The following ADAM18 variants were observed in gnomAD, a reference collection of about 807,000 sequenced individuals.
ADAM18 encodes the protein disintegrin and metalloproteinase domain-containing protein 18.
Under a neutral mutation model 94.4 loss-of-function variants are expected in ADAM18, and 117 were observed. That is an observed-to-expected ratio of 1.24 (90% CI 1.07 to 1.45). ADAM18 has a LOEUF of 1.45. Among genes scored for constraint, ADAM18 ranks in the 40% most tolerant of loss-of-function variants. The pLI is 0.00. For synonymous variants in ADAM18, 327 were observed against 291.6 expected (o/e 1.12, Z -1.24); for missense variants, 936 against 880.0 (o/e 1.06, Z -0.81).
intron 2 of ADAM18, among the ~76,000 whole-genome samples, chr8:39,602,698 G>C (rs1363527134): frequency 6.6e-6 from 1 of 151,944 alleles, no homozygotes; most frequent in Non-Finnish European, 1.5e-5. Flanking sequence ...ATGTACTCTA[G>C]TTAAGTCTTT....
In ADAM18 at chr8:39,631,408, C is replaced by T. The variant is rs895329369; in HGVS notation, c.588+1969C>T. On this transcript the variant is annotated intron_variant, in intron 7 of 19. Coordinates refer to ENST00000265707, the MANE Select transcript of ADAM18 (RefSeq NM_014237.3). ...CAGGGTTCTCTTTTTTCCATATAGA[C>T]ATCCATTCGCTCCATCTCCACTTAC... Among the ~76,000 whole-genome samples the T allele has an allele frequency of 2.6e-5, 4 of 151,972 alleles. No individual in the cohort carries two copies. The South Asian group carries it at 8.3e-4, about 31-fold the overall frequency.
intron 7 of ADAM18, among the ~76,000 whole-genome samples, chr8:39,635,706 C>A (rs904927194): frequency 2.0e-5 from 3 of 152,072 alleles, no homozygotes; most frequent in African/African-American, 7.2e-5. Flanking sequence ...TGTGGCATTA[C>A]TATGATCTTT....
At chr8:39,604,733 A>G (rs1354903367) in intron 2 of ADAM18, 1 of 152,264 alleles carries the variant, frequency 6.6e-6, no homozygotes, top group East Asian at 1.9e-4. Flanking sequence ...GAGCCTGCAG[A>G]ACGGTGAGCC....
intron 13 of ADAM18, among the ~76,000 whole-genome samples, chr8:39,665,004 A>G (rs1585957128): frequency 6.6e-6 from 1 of 152,152 alleles, no homozygotes; most frequent in South Asian, 2.1e-4. Flanking sequence ...GTGTCAGAAG[A>G]AACATATTTA....
intron 3 of ADAM18, among the ~76,000 whole-genome samples, chr8:39,606,741 T>G (rs917141462): frequency 2.0e-5 from 3 of 152,130 alleles, no homozygotes; most frequent in African/African-American, 7.2e-5. Context: ...CAATAAAGCT[T>G]TTTAATCACC....
intron 10 of ADAM18, among the ~76,000 whole-genome samples, chr8:39,643,025 A>G (rs530458920): frequency 6.6e-6 from 1 of 151,960 alleles, no homozygotes; most frequent in East Asian, 1.9e-4. Context: ...CATCCTAGGT[A>G]TTTTATTCTT....
chr8:39,632,771 C>G (rs1019768040), intron 7 of ADAM18, among the ~76,000 whole-genome samples: 1 of 152,108 alleles, frequency 6.6e-6, no homozygotes. Flanking sequence ...CTCTGAAACC[C>G]TGTAGACCTT....
intron 11 of ADAM18, among the ~76,000 whole-genome samples, chr8:39,647,577 T>A (rs1321945703): frequency 6.6e-6 from 1 of 152,154 alleles, no homozygotes; most frequent in East Asian, 1.9e-4. Flanking sequence ...GGTGTCAGGC[T>A]GGGGGACGGT....
At chr8:39,618,350 G>A (rs906953367) in intron 6 of ADAM18, among the ~76,000 whole-genome samples, 2 of 152,166 alleles carry the variant, frequency 1.3e-5, no homozygotes, top group Admixed American at 6.5e-5. Context: ...AGGTTAGTGA[G>A]GGATTTAGGG....
chr8:39,625,164 C>T (rs1394100970), intron 6 of ADAM18, among the ~76,000 whole-genome samples: 2 of 152,142 alleles, frequency 1.3e-5, no homozygotes, highest in Non-Finnish European at 2.9e-5. Flanking sequence ...TTGATTCTTC[C>T]ATCCATGAGC....
chr8:39,635,333 T>C (rs1820047896), intron 7 of ADAM18, among the ~76,000 whole-genome samples: 1 of 152,240 alleles, frequency 6.6e-6, no homozygotes, highest in South Asian at 2.1e-4. Flanking sequence ...CATTCTTTTA[T>C]CTTTTAAAAA....
At chr8:39,617,895 G>T (rs979721433) in intron 6 of ADAM18, among the ~76,000 whole-genome samples, 4 of 152,210 alleles carry the variant, frequency 2.6e-5, no homozygotes, top group African/African-American at 9.6e-5. Flanking sequence ...TTACCTGGGT[G>T]ACACATTGAT....
chr8:39,670,080 T>A (rs1454264192), intron 14 of ADAM18, among the ~76,000 whole-genome samples: 2 of 152,230 alleles, frequency 1.3e-5, no homozygotes, highest in African/African-American at 2.4e-5. Flanking sequence ...GATGAGCATT[T>A]TTTCATGTGT....
intron 7 of ADAM18, among the ~76,000 whole-genome samples, chr8:39,630,518 A>G (rs1819903887): frequency 6.6e-6 from 1 of 151,892 alleles, no homozygotes; most frequent in Non-Finnish European, 1.5e-5. Flanking sequence ...AATATAATAC[A>G]ATCAGGTAGA....
chr8:39,696,720 C>T (rs1821936919), intron 17 of ADAM18, among the ~76,000 whole-genome samples: 1 of 151,514 alleles, frequency 6.6e-6, no homozygotes, highest in Non-Finnish European at 1.5e-5. Context: ...CTCCATTTGT[C>T]TATATGTCTG....
chr8:39,715,640 G>A (rs1055906598), intron 18 of ADAM18, among the ~76,000 whole-genome samples: 4 of 151,906 alleles, frequency 2.6e-5, no homozygotes, highest in Admixed American at 2.6e-4. Flanking sequence ...GAACATGTAA[G>A]CGGTAATAGA....
At chr8:39,641,553 T>C (rs1322578965) in intron 10 of ADAM18, among the ~76,000 whole-genome samples, 2 of 151,972 alleles carry the variant, frequency 1.3e-5, no homozygotes, top group Non-Finnish European at 2.9e-5. Context: ...CCATGTGTTC[T>C]AGGCGTCCAT....
intron 2 of ADAM18, among the ~76,000 whole-genome samples, chr8:39,605,295 C>A (rs144152178): frequency 6.6e-6 from 1 of 152,114 alleles, no homozygotes; most frequent in African/African-American, 2.4e-5. Flanking sequence ...GTTACGCCCC[C>A]CTGAAGAATT....
At chr8:39,679,895 A>G (rs1286618328) in intron 15 of ADAM18, 142 bp from the exon 16 acceptor site, 1 of 727,568 alleles carries the variant, frequency 1.4e-6, no homozygotes, top group African/African-American at 1.8e-5. Flanking sequence ...GTTGTTGTGC[A>G]CCATAAAATA....
Sources: allele counts gnomAD v4.1 joint callset (sites outside exome capture counted in the v4.1 genomes callset), GRCh38; gene constraint gnomAD v4.1.1; transcripts MANE v1.5; gene names NCBI Gene and HGNC (gene_info 2026-07-23, HGNC 2026-07-21).